Variants in FRMPD3 observed in about 807,000 individuals in gnomAD.
The protein encoded by FRMPD3 is FERM and PDZ domain-containing protein 3.
In FRMPD3, 42 loss-of-function variants were observed where a neutral mutation model predicts 97.9. The observed-to-expected ratio is 0.43, with a 90% CI of 0.34 to 0.55. The LOEUF (loss-of-function observed/expected upper bound fraction) is 0.55, where lower values mean the gene tolerates loss of function less well. Ranked by LOEUF, FRMPD3 falls within the 20% of genes least tolerant of loss-of-function variation. The pLI is 0.03. For missense variants in FRMPD3, 1,303 were observed against 1,457.7 expected (o/e 0.89, Z 1.73); for synonymous variants, 577 against 581.1 (o/e 0.99, Z 0.10).
chrX:107,450,562 CCACACACACA>C (rs561898459), intron 1 of FRMPD3, among the ~76,000 whole-genome samples: 21 of 84,301 alleles, frequency 2.5e-4, no homozygotes, highest in African/African-American at 6.9e-4. Context: ...CATGCAAAGA[CCACACACACA>C]CACACACACA....
chrX:107,461,817 G>A (rs374899333), intron 1 of FRMPD3, among the ~76,000 whole-genome samples: 3 of 77,854 alleles, frequency 3.9e-5, no homozygotes, highest in African/African-American at 1.5e-4. Flanking sequence ...ATACATATAC[G>A]TGTGTGTGTG....
At chrX:107,522,484 G>A (rs767730453) in intron 1 of FRMPD3, 15 of 546,337 alleles carry the variant, frequency 2.7e-5, no homozygotes, top group Non-Finnish European at 3.9e-5. Context: ...GTCCAGGACC[G>A]TGAGTGGGAG....
chrX:107,515,888 A>G (rs1329779108), intron 1 of FRMPD3, among the ~76,000 whole-genome samples: 2 of 111,625 alleles, frequency 1.8e-5, no homozygotes, highest in East Asian at 5.6e-4. Context: ...ATTTTTTTAA[A>G]TTATACTTTA....
chrX:107,470,457 C>T (rs1921027122), intron 1 of FRMPD3, among the ~76,000 whole-genome samples: 1 of 112,339 alleles, frequency 8.9e-6, no homozygotes, highest in Admixed American at 9.4e-5. Context: ...TTGGGCCTCT[C>T]TATTAGGTTG....
intron 12 of FRMPD3, among the ~76,000 whole-genome samples, chrX:107,568,682 C>T (rs928795081): frequency 9.3e-6 from 1 of 107,744 alleles, no homozygotes; most frequent in African/African-American, 3.4e-5. Context: ...TGCAGTGAGC[C>T]GAGATCATGC....
At chrX:107,581,917 GT>G (rs1004071137) in intron 13 of FRMPD3, among the ~76,000 whole-genome samples, 8 of 110,914 alleles carry the variant, frequency 7.2e-5, no homozygotes, top group African/African-American at 2.6e-4. Flanking sequence ...ATAGACATTT[GT>G]TTTTTTCCCA....
At chrX:107,564,682 A>G (rs1245945745) in intron 11 of FRMPD3, among the ~76,000 whole-genome samples, 2 of 112,343 alleles carry the variant, frequency 1.8e-5, no homozygotes, top group African/African-American at 3.2e-5. Context: ...ATTTGGACCC[A>G]TAATCTGGGG....
chrX:107,532,260 A>G (rs1923001320), intron 3 of FRMPD3, among the ~76,000 whole-genome samples: 1 of 112,793 alleles, frequency 8.9e-6, no homozygotes, highest in African/African-American at 3.2e-5. Flanking sequence ...TGAAAAGGTG[A>G]CATTTGAAGA....
chrX:107,480,136 G>T (rs1237384546), intron 1 of FRMPD3, among the ~76,000 whole-genome samples: 1 of 111,222 alleles, frequency 9.0e-6, no homozygotes, highest in East Asian at 2.8e-4. Context: ...GGGAAGAAAA[G>T]AAATTCTTAA....
intron 2 of FRMPD3, among the ~76,000 whole-genome samples, chrX:107,529,441 TG>T (rs1273527991): frequency 9.1e-6 from 1 of 110,429 alleles, no homozygotes; most frequent in African/African-American, 3.3e-5. Context: ...AAAAATTAGC[TG>T]GGCATGGTGG....
In FRMPD3 at chrX:107,603,309, G is replaced by C; in HGVS notation, c.5270G>C (p.Gly1757Ala). 9.2e-7 allele frequency: 1 copy of C among 1,086,559 alleles called. No individual in the cohort carries two copies. Among genetic ancestry groups the C allele is most frequent in the South Asian group, 2.2e-5 (1 of 45,453 alleles). The allele number at this position is 1,086,559 out of a possible 1,213,427, so 89.5% of individuals were successfully genotyped here. ...AAGAATEHPP[G>A]SPTSATVMST... ...GGGGCAGCCACAGAGCATCCACCAGGCTCCCCAACTTCGGCGACTGTTATG... is the reference window on the plus strand; with the variant it reads ...GGGGCAGCCACAGAGCATCCACCAGCCTCCCCAACTTCGGCGACTGTTATG... Residue 1757 changes from glycine (G) to alanine (A), a missense_variant, in exon 15 of 15, where the codon GGC becomes GCC. This residue lies in a region of FRMPD3 where 764 missense variants were observed against 820.2 expected (regional missense o/e 0.93). Coordinates refer to ENST00000683843, the MANE Select transcript of FRMPD3 (RefSeq NM_001388459.1).
intron 1 of FRMPD3, among the ~76,000 whole-genome samples, chrX:107,455,312 TG>T (rs777712903): frequency 8.9e-6 from 1 of 112,145 alleles, no homozygotes; most frequent in South Asian, 3.7e-4. Flanking sequence ...CCTAACACTT[TG>T]GGAGGCTGAG....
chrX:107,562,871 C>T (rs1670977317), intron 10 of FRMPD3, among the ~76,000 whole-genome samples: 1 of 111,721 alleles, frequency 9.0e-6, no homozygotes, highest in Non-Finnish European at 1.9e-5. Context: ...AAGCTGGATA[C>T]TTTAGGAATG....
At chrX:107,535,892 A>G (rs1001693012) in intron 4 of FRMPD3, among the ~76,000 whole-genome samples, 3 of 110,443 alleles carry the variant, frequency 2.7e-5, no homozygotes, top group African/African-American at 3.3e-5. Context: ...AGACATACAT[A>G]TATCTACTAT....
At chrX:107,486,926 C>T (rs1240796236) in intron 1 of FRMPD3, among the ~76,000 whole-genome samples, 1 of 110,339 alleles carries the variant, frequency 9.1e-6, no homozygotes, top group African/African-American at 3.3e-5. Flanking sequence ...TGGGTTTTAC[C>T]TGTCAAAGAG....
At position 107,597,988 on chromosome X, in the gene FRMPD3, T is replaced by C; in HGVS notation, c.2109T>C (p.Asp703=). 1 of 1,188,813 alleles carries C rather than the reference T, an allele frequency of 8.4e-7. No individual in the cohort carries two copies. The highest frequency in any genetic ancestry group is 1.1e-6 in the Non-Finnish European group (1 of 876,210). Residue 703 remains aspartate, a synonymous_variant, in exon 14 of 15, where the codon GAT becomes GAC. Coordinates refer to ENST00000683843, the MANE Select transcript of FRMPD3 (RefSeq NM_001388459.1). ...QGRHLRGLLY[D]EIPVTLIDSV... ...GCCACCTGCGTGGGCTTCTGTACGA[T>C]GAGATTCCAGTGACATTGATTGACA...
chrX:107,480,947 A>C (rs1921351233), intron 1 of FRMPD3, among the ~76,000 whole-genome samples: 1 of 110,717 alleles, frequency 9.0e-6, no homozygotes, highest in Admixed American at 9.6e-5. Context: ...AAAGAAAGAA[A>C]GAAAGAAAGA....
chrX:107,586,314 C>CTATTTGAT (rs1288879583), intron 13 of FRMPD3, among the ~76,000 whole-genome samples: 1 of 110,521 alleles, frequency 9.0e-6, no homozygotes, highest in Non-Finnish European at 1.9e-5. Context: ...TTTATTGTGT[C>CTATTTGAT]TATTTGATTC....
intron 1 of FRMPD3, among the ~76,000 whole-genome samples, chrX:107,486,467 T>C (rs918744907): frequency 1.8e-5 from 2 of 112,553 alleles, no homozygotes; most frequent in Non-Finnish European, 3.8e-5. Flanking sequence ...TTTCTGAAGG[T>C]TTTATATTTT....
Sources: allele counts gnomAD v4.1 joint callset (sites outside exome capture counted in the v4.1 genomes callset), GRCh38; gene constraint gnomAD v4.1.1; regional missense constraint gnomAD v4.1.1; transcripts MANE v1.5; gene names NCBI Gene and HGNC (gene_info 2026-07-23, HGNC 2026-07-21).